The following AFF2 variants were observed in gnomAD, a reference collection of about 807,000 sequenced individuals.
AFF2 encodes the protein ALF transcription elongation factor 2.
In AFF2, 14 loss-of-function variants were observed where a neutral mutation model predicts 76.9. The observed-to-expected ratio is 0.18, with a 90% CI of 0.12 to 0.28. AFF2 has a LOEUF of 0.28. Ranked by LOEUF, AFF2 falls within the 10% of genes least tolerant of loss-of-function variation. The pLI is 1.00. For missense variants in AFF2, 868 were observed against 1,001.1 expected, an observed-to-expected ratio of 0.87 and a Z score of 1.79; for synonymous variants, 398 against 366.7, an observed-to-expected ratio of 1.09 and a Z score of -0.98.
At chrX:148,940,971 T>C (rs1460909753) in intron 9 of AFF2, among the ~76,000 whole-genome samples, 3 of 112,108 alleles carry the variant, frequency 2.7e-5, no homozygotes, top group African/African-American at 9.7e-5. Context: ...GTATTTCCTA[T>C]GCTGTCATTC....
intron 3 of AFF2, among the ~76,000 whole-genome samples, chrX:148,779,785 C>T (rs2069717885): frequency 8.9e-6 from 1 of 111,868 alleles, no homozygotes; most frequent in Non-Finnish European, 1.9e-5. Context: ...TTGATCCTGT[C>T]GTTACGATTC....
chrX:148,819,288 C>G (rs2070301576), intron 4 of AFF2, among the ~76,000 whole-genome samples: 1 of 110,980 alleles, frequency 9.0e-6, no homozygotes, highest in East Asian at 2.8e-4. Context: ...TTTCATTTAT[C>G]TTTGGAATAT....
chrX:148,714,208 ATGT>A (rs2055001842), intron 3 of AFF2, among the ~76,000 whole-genome samples: 1 of 112,249 alleles, frequency 8.9e-6, no homozygotes, highest in Non-Finnish European at 1.9e-5. Flanking sequence ...AGTTGTTGAC[ATGT>A]TGTATCTTAA....
chrX:148,599,734 C>T (rs1484068078), intron 1 of AFF2, among the ~76,000 whole-genome samples: 21 of 111,218 alleles, frequency 1.9e-4, no homozygotes, highest in African/African-American at 6.9e-4. Context: ...GTGCCAAATG[C>T]TGGAAAAAGG....
intron 4 of AFF2, among the ~76,000 whole-genome samples, chrX:148,827,705 G>T (rs933750373): frequency 2.7e-5 from 3 of 112,079 alleles, no homozygotes; most frequent in Non-Finnish European, 3.8e-5. Context: ...ACTGGTAATT[G>T]TTATTACCTT....
intron 3 of AFF2, chrX:148,719,154 A>C (rs147596059): frequency 8.7e-7 from 1 of 1,144,759 alleles, no homozygotes; most frequent in African/African-American, 1.8e-5. Context: ...CAGATGTAAG[A>C]TATGCTTCAC....
At chrX:148,551,507 A>AG (rs2052991906) in intron 1 of AFF2, among the ~76,000 whole-genome samples, 1 of 103,326 alleles carries the variant, frequency 9.7e-6, no homozygotes, top group East Asian at 2.9e-4. Flanking sequence ...AAAAAAAAAA[A>AG]AAGAAGAAAG....
intron 1 of AFF2, among the ~76,000 whole-genome samples, chrX:148,536,683 C>T (rs990473648): frequency 1.8e-5 from 2 of 111,964 alleles, no homozygotes; most frequent in Non-Finnish European, 3.8e-5. Context: ...TTTAGTTTTA[C>T]GTTGCTATCC....
At chrX:148,707,168 ATG>A (rs1197118262) in intron 3 of AFF2, among the ~76,000 whole-genome samples, 1 of 112,216 alleles carries the variant, frequency 8.9e-6, no homozygotes, top group East Asian at 2.8e-4. Context: ...TCAAAATAGA[ATG>A]TGAATATACA....
chrX:148,895,189 G>T (rs1028676822), intron 8 of AFF2, among the ~76,000 whole-genome samples: 2 of 111,226 alleles, frequency 1.8e-5, no homozygotes, highest in African/African-American at 3.3e-5. Context: ...ATTGCTTACT[G>T]GGGGGGCCAG....
intron 1 of AFF2, among the ~76,000 whole-genome samples, chrX:148,521,597 A>G (rs1335972881): frequency 8.9e-6 from 1 of 111,861 alleles, no homozygotes; most frequent in Non-Finnish European, 1.9e-5. Flanking sequence ...TAGTTTATAT[A>G]TCCATATCTC....
intron 1 of AFF2, among the ~76,000 whole-genome samples, chrX:148,617,228 A>G (rs1272731435): frequency 9.0e-6 from 1 of 111,683 alleles, no homozygotes; most frequent in East Asian, 2.8e-4. Flanking sequence ...CATCCTCTCC[A>G]GCACCTGTTG....
chrX:148,731,459 CAG>C (rs1409940052), intron 3 of AFF2, among the ~76,000 whole-genome samples: 1 of 111,675 alleles, frequency 9.0e-6, no homozygotes, highest in Non-Finnish European at 1.9e-5. Flanking sequence ...TCAGAAATAA[CAG>C]AAGAAAGGAA....
At chrX:148,943,140 G>A (rs2071860375) in intron 9 of AFF2, among the ~76,000 whole-genome samples, 1 of 112,157 alleles carries the variant, frequency 8.9e-6, no homozygotes, top group Non-Finnish European at 1.9e-5. Flanking sequence ...TTGTGTTGCT[G>A]CCTTGTGAGG....
intron 1 of AFF2, among the ~76,000 whole-genome samples, chrX:148,524,097 T>TTTC (rs2052630287): frequency 1.3e-5 from 1 of 78,257 alleles, no homozygotes; most frequent in African/African-American, 4.8e-5. Context: ...CTCTCTCTCT[T>TTTC]TCTCTCTCTC....
chrX:148,751,600 T>A (rs1178863064), intron 3 of AFF2, among the ~76,000 whole-genome samples: 1 of 111,928 alleles, frequency 8.9e-6, no homozygotes, highest in Non-Finnish European at 1.9e-5. Flanking sequence ...CAGGGCTTGT[T>A]CTCTGGAGAA....
At chrX:148,968,120 GA>G (rs1158311571) in intron 15 of AFF2, among the ~76,000 whole-genome samples, 6 of 111,152 alleles carry the variant, frequency 5.4e-5, no homozygotes, top group Non-Finnish European at 9.4e-5. Flanking sequence ...TAGGCCTGAG[GA>G]AAAACTCAGC....
chrX:148,717,177 A>G (rs1557263428), intron 3 of AFF2, among the ~76,000 whole-genome samples: 1 of 112,072 alleles, frequency 8.9e-6, no homozygotes. Flanking sequence ...CCATCAATGG[A>G]CAAACGAATA....
intron 7 of AFF2, among the ~76,000 whole-genome samples, chrX:148,852,726 G>A (rs1440997436): frequency 5.4e-5 from 6 of 111,306 alleles, no homozygotes; most frequent in African/African-American, 1.3e-4. Context: ...CAGCAACCTC[G>A]TGAGATAGAT....
Sources: gnomAD v4.1 joint callset for allele counts (sites outside exome capture counted in the v4.1 genomes callset) on GRCh38, gnomAD v4.1.1 for gene constraint, MANE v1.5 for transcripts, NCBI Gene and HGNC (gene_info 2026-07-23, HGNC 2026-07-21) for gene names.